CACNA2D1: variants seen among roughly 807,000 people sequenced by gnomAD.
The protein encoded by CACNA2D1 is calcium voltage-gated channel auxiliary subunit alpha2delta 1, also known as voltage-dependent calcium channel subunit alpha-2/delta-1.
In CACNA2D1, 53 loss-of-function variants were observed where a neutral mutation model predicts 171.5. That is an observed-to-expected ratio of 0.31 (90% CI 0.25 to 0.39). The LOEUF (loss-of-function observed/expected upper bound fraction) is 0.39, where lower values mean the gene tolerates loss of function less well. CACNA2D1 is among the 10% of genes least tolerant of loss of function. The probability of loss-of-function intolerance (pLI) is 1.00; values close to 1 mark genes in which losing one functional copy is unlikely to be tolerated. For synonymous variants in CACNA2D1, 442 were observed against 443.1 expected, an observed-to-expected ratio of 1.00 and a Z score of 0.03; for missense variants, 903 against 1,299.8, an observed-to-expected ratio of 0.69 and a Z score of 4.69.
Position 81,978,753 on chromosome 7 carries a change from G to GTATA in CACNA2D1, c.1955+3810_1955+3813dup, listed in dbSNP as rs1554336413. ...TTAAAGTAAATTTTTTTTAAAAAGT[G>GTATA]TATATATATATATATATACACACAC... On this transcript the variant is annotated intron_variant, in intron 24 of 38. Coordinates refer to ENST00000356860, the MANE Select transcript of CACNA2D1 (RefSeq NM_000722.4). Among the ~76,000 whole-genome samples the GTATA allele has an allele frequency of 2.0e-3, 284 of 139,468 alleles. 1 individual carries two copies. Among genetic ancestry groups the GTATA allele is most frequent in the Middle Eastern group, 3.9e-3 (1 of 256 alleles). 91.5% of individuals were successfully genotyped at this position (139,468 alleles called of 152,430 possible). A position where few individuals can be genotyped will look rare whatever the true frequency, so the allele number is the denominator to read the frequency against.
At chr7:82,261,515 G>A (rs987703604) in intron 3 of CACNA2D1, among the ~76,000 whole-genome samples, 1 of 152,122 alleles carries the variant, frequency 6.6e-6, no homozygotes, top group Admixed American at 6.5e-5. Flanking sequence ...AAGTATTAAC[G>A]AGAAGGCGTG....
At chr7:82,095,975 T>C (rs757955251) in intron 6 of CACNA2D1, among the ~76,000 whole-genome samples, 3 of 152,218 alleles carry the variant, frequency 2.0e-5, no homozygotes. Flanking sequence ...GATAAGTCCT[T>C]TAAGTCAGTG....
rs73704234 is a variant in CACNA2D1 at position 82,355,473 on chromosome 7, T to G, written c.96-5824A>C. ...AGTTTCAGTGTTATAAAGACAGGAC[T>G]TAAACATGATAGCTAGTCAGAAGAG... On this transcript the variant is annotated intron_variant, in intron 1 of 38. Coordinates refer to ENST00000356860, the MANE Select transcript of CACNA2D1 (RefSeq NM_000722.4). 3.2e-3 allele frequency among the ~76,000 whole-genome samples: 481 copies of G among 152,270 alleles called. 1 individual carries two copies. The highest frequency in any genetic ancestry group is 0.011 in the African/African-American group (457 of 41,558).
chr7:82,404,188 ACT>A, intron 1 of CACNA2D1, among the ~76,000 whole-genome samples: 1 of 152,238 alleles, frequency 6.6e-6, no homozygotes, highest in East Asian at 1.9e-4. Context: ...AGTTCTGGAA[ACT>A]CTGGAGCCAA....
rs540083172 is a variant in CACNA2D1, at chr7:82,249,590, T to A, written c.295-78981A>T. Among the ~76,000 whole-genome samples the A allele has an allele frequency of 1.5e-3, 227 of 152,344 alleles. 4 individuals carry two copies. The highest frequency in any genetic ancestry group is 5.2e-3 in the African/African-American group (218 of 41,578). On this transcript the variant is annotated intron_variant, in intron 3 of 38. Coordinates refer to ENST00000356860, the MANE Select transcript of CACNA2D1 (RefSeq NM_000722.4). ...TGTTCAGCATTGCTAACCTCATAGT[T>A]ACAAAATGGTTGGAAATAAACCTGA... is the stretch of plus-strand genomic sequence containing the variant.
At chr7:82,136,712 A>G in intron 4 of CACNA2D1, 36 bp from the exon 5 acceptor site, 1 of 1,395,150 alleles carries the variant, frequency 7.2e-7, no homozygotes. Flanking sequence ...TGATTTTAAT[A>G]AAAACAATAC....
chr7:82,313,429 C>CA (rs1466925655), intron 3 of CACNA2D1, among the ~76,000 whole-genome samples: 1 of 152,200 alleles, frequency 6.6e-6, no homozygotes, highest in East Asian at 1.9e-4. Flanking sequence ...CAGGCTTTCT[C>CA]AGAGGCCCTA....
intron 3 of CACNA2D1, among the ~76,000 whole-genome samples, chr7:82,313,241 A>G (rs752488044): frequency 1.3e-5 from 2 of 152,178 alleles, no homozygotes; most frequent in Non-Finnish European, 2.9e-5. Context: ...CTTTGTGAAG[A>G]TAAAGTTTCA....
Position 82,060,579 on chromosome 7 carries a change from A to G in CACNA2D1, c.780-52T>C, listed in dbSNP as rs1346304759. On this transcript the variant is annotated intron_variant, in intron 9 of 38. Coordinates refer to ENST00000356860, the MANE Select transcript of CACNA2D1 (RefSeq NM_000722.4). ...ATGTTACTCATCATGTATTTAATCA[A>G]GAACATCATAAGGAAAGATAATGTA... 13 of 1,038,558 alleles carry G rather than the reference A, an allele frequency of 1.3e-5. No homozygotes were observed. The East Asian group carries it at 2.4e-4, about 19-fold the overall frequency. 64.3% of individuals were successfully genotyped at this position (1,038,558 alleles called of 1,614,324 possible).
chr7:81,996,930 T>C (rs1454733434), intron 19 of CACNA2D1, among the ~76,000 whole-genome samples: 1 of 152,094 alleles, frequency 6.6e-6, no homozygotes, highest in Non-Finnish European at 1.5e-5. Flanking sequence ...AGTGAAAATA[T>C]GTCTACCTTT....
chr7:82,150,270 C>CAA (rs1195730824), intron 4 of CACNA2D1, among the ~76,000 whole-genome samples: 2 of 74,330 alleles, frequency 2.7e-5, no homozygotes, highest in African/African-American at 7.5e-5. Context: ...AAAAAAAAAA[C>CAA]AAAAACAACA....
intron 12 of CACNA2D1, among the ~76,000 whole-genome samples, chr7:82,016,017 G>A (rs1227274461): frequency 6.6e-6 from 1 of 152,158 alleles, no homozygotes; most frequent in Admixed American, 6.5e-5. Context: ...CAAACTGTAA[G>A]AATAAATAAT....
intron 6 of CACNA2D1, among the ~76,000 whole-genome samples, chr7:82,085,572 T>G (rs1439568118): frequency 6.6e-6 from 1 of 151,694 alleles, no homozygotes; most frequent in African/African-American, 2.4e-5. Flanking sequence ...TTAACTATGT[T>G]TATACAACAA....
At chr7:82,233,076 T>C (rs1459586088) in intron 3 of CACNA2D1, among the ~76,000 whole-genome samples, 2 of 152,068 alleles carry the variant, frequency 1.3e-5, no homozygotes, top group African/African-American at 4.8e-5. Context: ...AGTAATTAAC[T>C]GATTATTTGG....
At chr7:82,209,257 C>G (rs1035431158) in intron 3 of CACNA2D1, among the ~76,000 whole-genome samples, 1 of 152,186 alleles carries the variant, frequency 6.6e-6, no homozygotes, top group African/African-American at 2.4e-5. Context: ...CTCTTCACTT[C>G]TACTTATTCA....
intron 3 of CACNA2D1, among the ~76,000 whole-genome samples, chr7:82,284,869 T>C (rs1352762863): frequency 6.6e-6 from 1 of 151,994 alleles, no homozygotes; most frequent in Non-Finnish European, 1.5e-5. Context: ...CCCTGAGAGG[T>C]CCAGCCCTTC....
intron 12 of CACNA2D1, among the ~76,000 whole-genome samples, chr7:82,021,975 G>C (rs1450724323): frequency 6.6e-6 from 1 of 151,842 alleles, no homozygotes; most frequent in Non-Finnish European, 1.5e-5. Context: ...ATTTTACTTG[G>C]AATTTCAAGT....
intron 3 of CACNA2D1, among the ~76,000 whole-genome samples, chr7:82,196,504 C>T (rs1245818590): frequency 6.6e-6 from 1 of 151,930 alleles, no homozygotes; most frequent in Non-Finnish European, 1.5e-5. Flanking sequence ...AGGAATGGTG[C>T]TGTGGAAAAA....
At chr7:82,110,160 C>T (rs2129046725) in intron 6 of CACNA2D1, among the ~76,000 whole-genome samples, 1 of 152,308 alleles carries the variant, frequency 6.6e-6, no homozygotes, top group African/African-American at 2.4e-5. Context: ...CAAAATTCTT[C>T]CTCCAGAAAA....
Sources: gnomAD v4.1 joint callset for allele counts (sites outside exome capture counted in the v4.1 genomes callset) on GRCh38, gnomAD v4.1.1 for gene constraint, MANE v1.5 for transcripts, NCBI Gene and HGNC (gene_info 2026-07-23, HGNC 2026-07-21) for gene names.